The following ACAP3 variants were observed in gnomAD, a reference collection of about 807,000 sequenced individuals.
ACAP3 encodes arf-GAP with coiled-coil, ANK repeat and PH domain-containing protein 3.
Under a neutral mutation model 104.1 loss-of-function variants are expected in ACAP3, and 56 were observed. The observed-to-expected ratio is 0.54, with a 90% CI of 0.43 to 0.67. The LOEUF is 0.67. ACAP3 is among the 30% of genes least tolerant of loss of function. ACAP3 has a pLI of 0.00. For missense variants in ACAP3, 1,208 were observed against 1,174.9 expected, an observed-to-expected ratio of 1.03 and a Z score of -0.41; for synonymous variants, 628 against 496.2, an observed-to-expected ratio of 1.27 and a Z score of -3.53.
Position 1,300,099 on chromosome 1 carries a change from A to G in ACAP3, c.568-31T>C, listed in dbSNP as rs753857960. On this transcript the variant is annotated intron_variant, in intron 7 of 23. Transcript: ENST00000354700. ...GGGGCAGCACAGGTGAGGCCCAAGCACACCCGGTCCAGCCCCCAACATGCA... is the reference window on the plus strand; with the variant it reads ...GGGGCAGCACAGGTGAGGCCCAAGCGCACCCGGTCCAGCCCCCAACATGCA... 3 of 1,608,346 alleles carry G rather than the reference A, an allele frequency of 1.9e-6. No individual in the cohort carries two copies. In the African/African-American group the frequency reaches 4.0e-5, roughly 21 times the overall value.
chr1:1,307,209 G>A (rs1256576144), intron 1 of ACAP3: 5 of 1,286,936 alleles, frequency 3.9e-6, no homozygotes, highest in Non-Finnish European at 4.1e-6. Context: ...ACGAATGATG[G>A]AAAACATGCA....
chr1:1,295,676 C>T (rs1159255612), intron 18 of ACAP3, 60 bp downstream of exon 18: 22 of 1,554,044 alleles, frequency 1.4e-5, no homozygotes, highest in Admixed American at 1.1e-4. Context: ...AGCCCCTTGA[C>T]GGAGTCCATC....
In ACAP3 at chr1:1,292,877, T is replaced by C. The variant is rs1180445189; in HGVS notation, c.*687A>G. On this transcript the variant is annotated 3_prime_UTR_variant, in exon 24 of 24. Coordinates refer to ENST00000354700, the MANE Select transcript of ACAP3 (RefSeq NM_030649.3). ...AGAACATGAGATGAGGGCTGCAAAG[T>C]GGCAAAGTGGCTTTATGCGCAGGCT... is the stretch of plus-strand genomic sequence containing the variant. 1 of 152,236 alleles carries C rather than the reference T, an allele frequency of 6.6e-6. No homozygotes were observed. The highest frequency in any genetic ancestry group is 2.4e-5 in the African/African-American group (1 of 41,452). The allele number at this position is 152,236 out of a possible 1,614,324, so 9.4% of individuals were successfully genotyped here.
intron 14 of ACAP3, among the ~76,000 whole-genome samples, chr1:1,297,430 T>C (rs1265058280): frequency 3.6e-5 from 1 of 27,612 alleles, no homozygotes; most frequent in Non-Finnish European, 1.0e-4. Flanking sequence ...CGTGTGTGTG[T>C]GCACAGGCGC....
In ACAP3 at chr1:1,303,161, C is replaced by T. The variant is rs1449828521; in HGVS notation, c.225+1G>A. ...AGGTCAGAGGTCAGTCGGCCCCTCA[C>T]CGAGATGACGGTGTCGCCCTGGCAC... On this transcript the variant is annotated splice_donor_variant, in intron 3 of 23. Transcript: ENST00000354700. LOFTEE classifies it high-confidence loss of function. This position sits in a 1 kb window ranked among gnomAD's most constrained non-coding sequence, Gnocchi z 4.0. 1 of 1,597,536 alleles carries T rather than the reference C, an allele frequency of 6.3e-7. No homozygotes were observed. The highest frequency in any genetic ancestry group is 1.1e-5 in the South Asian group (1 of 88,448).
chr1:1,294,627 C>G lies in ACAP3; in HGVS notation c.1914G>C (p.Glu638Asp). 6.5e-7 allele frequency: 1 copy of G among 1,530,304 alleles called. No homozygotes were observed. Among genetic ancestry groups the G allele is most frequent in the Non-Finnish European group, 8.8e-7 (1 of 1,137,028 alleles). The allele number at this position is 1,530,304 out of a possible 1,614,324, so 94.8% of individuals were successfully genotyped here. The change falls in exon 21 of 24, where the codon GAG becomes GAC. Residue 638 changes from glutamate to aspartate, a missense_variant and splice_region_variant. Glu to Asp is a conservative substitution (Grantham distance 45, BLOSUM62 2). Coordinates refer to ENST00000354700, the MANE Select transcript of ACAP3 (RefSeq NM_030649.3). ...GSVVDSVTEE[E>D]GAESEESSGE... ...CGCTGGACTCCTCCGACTCTGCACC[C>G]TCTGTGGGGAGGGGGCGGTCAGGGA...
chr1:1,307,189 C>T (rs2100502722), intron 1 of ACAP3: 1 of 1,287,768 alleles, frequency 7.8e-7, no homozygotes, highest in Non-Finnish European at 1.0e-6. Flanking sequence ...GGTGTACACG[C>T]CTGCACGCCA....
intron 14 of ACAP3, among the ~76,000 whole-genome samples, chr1:1,296,917 C>T (rs547393062): frequency 3.3e-5 from 5 of 152,280 alleles, no homozygotes; most frequent in African/African-American, 7.2e-5. Context: ...GCAGATGGTG[C>T]CGAGCACACT....
intron 1 of ACAP3, chr1:1,307,263 C>T (rs1641770074): frequency 2.3e-6 from 3 of 1,288,464 alleles, no homozygotes; most frequent in Admixed American, 2.3e-5. Context: ...TGACCTTCCC[C>T]GCCGCTCTTC....
chr1:1,295,896 C>A lies in ACAP3; in HGVS notation c.1545G>T (p.Lys515Asn). Reference sequence around the variant, plus strand: ...CCATGGGCGCCTTCCGCAGAAACTTCTTTTCCACGTATTTGTCCTTGATCC... The same window carrying A: ...CCATGGGCGCCTTCCGCAGAAACTTATTTTCCACGTATTTGTCCTTGATCC... ...EAWIKDKYVEKKFLRKAPMAP... is the reference protein window; with the variant it reads ...EAWIKDKYVENKFLRKAPMAP... Residue 515 changes from lysine to asparagine, a missense_variant, in exon 18 of 24, where the codon AAG (lysine) becomes AAT (asparagine). Transcript: ENST00000354700. 6.2e-7 allele frequency: 1 copy of A among 1,612,308 alleles called. No homozygotes were observed. The highest frequency in any genetic ancestry group is 8.5e-7 in the Non-Finnish European group (1 of 1,179,980).
intron 6 of ACAP3, 59 bp downstream of exon 6, chr1:1,300,450 G>A (rs1641394391): frequency 2.6e-5 from 40 of 1,520,504 alleles, no homozygotes; most frequent in East Asian, 4.6e-5. Flanking sequence ...GTACAAGGCC[G>A]TTGAGGCCTC....
Position 1,293,732 on chromosome 1 carries a change from CGCCCCTGCCCTG to C in ACAP3, c.2361-36_2361-25del, listed in dbSNP as rs773389024. Reference sequence around the variant, plus strand: ...GCCTACGGGGAGGCACAGCGTGAGACGCCCCTGCCCTGGAGGCCCCGCCCCTGCCCTGGAGGC... The same window carrying C: ...GCCTACGGGGAGGCACAGCGTGAGACGAGGCCCCGCCCCTGCCCTGGAGGC... On this transcript the variant is annotated intron_variant, in intron 23 of 23. Coordinates refer to ENST00000354700, the MANE Select transcript of ACAP3 (RefSeq NM_030649.3). The C allele has an allele frequency of 8.0e-6, 11 of 1,367,112 alleles. No homozygotes were observed. In the East Asian group the frequency reaches 9.3e-5, roughly 12 times the overall value. 84.7% of individuals were successfully genotyped at this position (1,367,112 alleles called of 1,614,324 possible). A position where few individuals can be genotyped will look rare whatever the true frequency, so the allele number is the denominator to read the frequency against.
Position 1,294,746 on chromosome 1 carries a change from G to GC in ACAP3, c.1883dup (p.Ser629LeufsTer8). The GC allele has an allele frequency of 6.5e-7, 1 of 1,549,798 alleles. No individual in the cohort carries two copies. The highest frequency in any genetic ancestry group is 8.7e-7 in the Non-Finnish European group (1 of 1,146,728). On this transcript the variant is annotated frameshift_variant, in exon 20 of 24. Transcript: ENST00000354700. LOFTEE classifies it high-confidence loss of function. Reference sequence around the variant, plus strand: ...CCTCAGTGACGCTGTCCACCACAGAGCCCGAGCCGAAAGCCAGGACGTCCG... The same window carrying GC: ...CCTCAGTGACGCTGTCCACCACAGAGCCCCGAGCCGAAAGCCAGGACGTCCG...
chr1:1,296,576 G>A lies in ACAP3; in HGVS notation c.1186C>T (p.Arg396Trp), dbSNP rs775880236. Residue 396 changes from arginine (R) to tryptophan (W), a missense_variant, in exon 15 of 24, where the codon CGG becomes TGG. Arg to Trp is a moderately radical substitution (Grantham distance 101). Transcript: ENST00000354700. ...TSSIDSATDT[R>W]ERGVKGESVL... ...CTCTCGCCCTTCACGCCACGCTCCC[G>A]AGTGTCGGTGGCGGAGTCGATGCTG... 3.2e-6 allele frequency: 5 copies of A among 1,539,584 alleles called. No individual in the cohort carries two copies. Among genetic ancestry groups the A allele is most frequent in the South Asian group, 1.2e-5 (1 of 84,060 alleles).
Position 1,294,122 on chromosome 1 carries a change from G to C in ACAP3, c.2217C>G (p.Pro739=), listed in dbSNP as rs1401974114. ...GGCCCAGCAGCGTGGCGTGGTGCAG[G>C]GGCGCCCGGCCCCGGCTGTCTCTTT... is the stretch of plus-strand genomic sequence containing the variant. ...VNQRDSRGRA[P]LHHATLLGRT... Residue 739 remains proline, a synonymous_variant, in exon 22 of 24, where the codon CCC becomes CCG. Coordinates refer to ENST00000354700, the MANE Select transcript of ACAP3 (RefSeq NM_030649.3). 1.3e-6 allele frequency: 2 copies of C among 1,589,720 alleles called. No homozygotes were observed. Among genetic ancestry groups the C allele is most frequent in the Non-Finnish European group, 1.7e-6 (2 of 1,168,378 alleles).
At position 1,295,723 on chromosome 1, in the gene ACAP3, C is replaced by T. The variant is rs757283618; in HGVS notation, c.1705+13G>A. The T allele has an allele frequency of 5.0e-6, 8 of 1,591,624 alleles. No individual in the cohort carries two copies. Among genetic ancestry groups the T allele is most frequent in the Non-Finnish European group, 6.0e-6 (7 of 1,169,948 alleles). On this transcript the variant is annotated intron_variant, in intron 18 of 23. Transcript: ENST00000354700. ...CAAGCCCCTCCCAGCCCTGCCGGGG[C>T]ATGGCCTCCCACCTGAGGACAGAGC...
In ACAP3 at chr1:1,294,209, C is replaced by G; in HGVS notation, c.2140-10G>C. 2 of 1,573,190 alleles carry G rather than the reference C, an allele frequency of 1.3e-6. No individual in the cohort carries two copies. The highest frequency in any genetic ancestry group is 1.7e-6 in the Non-Finnish European group (2 of 1,159,088). On this transcript the variant is annotated splice_polypyrimidine_tract_variant and intron_variant, in intron 21 of 23. Transcript: ENST00000354700. ...AGACGATCAAGGAGCCCTGGGGAGCCGGGGCAACTCAGACGGAGCCACGGC... is the reference window on the plus strand; with the variant it reads ...AGACGATCAAGGAGCCCTGGGGAGCGGGGGCAACTCAGACGGAGCCACGGC...
chr1:1,294,435 C>T lies in ACAP3; in HGVS notation c.2106G>A (p.Glu702=). The T allele has an allele frequency of 1.9e-6, 3 of 1,576,776 alleles. No homozygotes were observed. The highest frequency in any genetic ancestry group is 1.7e-5 in the Admixed American group (1 of 57,700). ...AEVNWADAED[E]GKTPLVQAVL... is the part of the protein sequence containing the mutation. ...CGGCCTGCACCAGCGGCGTCTTGCC[C>T]TCATCCTCCGCGTCCGCCCAGTTGA... Residue 702 remains glutamate (E), a synonymous_variant, in exon 21 of 24, where the codon GAG becomes GAA. Transcript: ENST00000354700.
At chr1:1,294,689 G>A in intron 20 of ACAP3, 29 bp downstream of exon 20, 2 of 1,547,514 alleles carry the variant, frequency 1.3e-6, no homozygotes, top group East Asian at 2.4e-5. Context: ...CTGGGCAGGG[G>A]CCTCGGGCGA....
Sources: allele counts gnomAD v4.1 joint callset (sites outside exome capture counted in the v4.1 genomes callset), GRCh38; gene constraint gnomAD v4.1.1; non-coding constraint Gnocchi (gnomAD v3.1); transcripts MANE v1.5; gene names NCBI Gene and HGNC (gene_info 2026-07-23, HGNC 2026-07-21).